PKD2L2: variants seen among roughly 807,000 people sequenced by gnomAD.
PKD2L2 encodes polycystin-2-like protein 2.
Under a neutral mutation model 83.9 loss-of-function variants are expected in PKD2L2, and 67 were observed. The ratio of observed to expected loss-of-function variants is 0.80; its 90% CI spans 0.66 to 0.98. The LOEUF is 0.98. PKD2L2 is among the 50% of genes least tolerant of loss of function. The pLI is 0.00. For synonymous variants in PKD2L2, 223 were observed against 237.8 expected (o/e 0.94, Z 0.57); for missense variants, 632 against 717.2 (o/e 0.88, Z 1.36).
intron 5 of PKD2L2, among the ~76,000 whole-genome samples, chr5:137,905,150 A>T (rs1484582884): frequency 1.3e-5 from 2 of 152,156 alleles, no homozygotes; most frequent in African/African-American, 4.8e-5. Flanking sequence ...TTAAGTCCAG[A>T]TTTCCTCTCT....
At position 137,935,834 on chromosome 5, in the gene PKD2L2, A is replaced by C; in HGVS notation, c.1709A>C (p.Glu570Ala). 4 of 1,611,366 alleles carry C rather than the reference A, an allele frequency of 2.5e-6. No homozygotes were observed. The highest frequency in any genetic ancestry group is 3.4e-6 in the Non-Finnish European group (4 of 1,177,538). The part of the protein sequence containing the change: ...QNAEQMKKWK[E>A]RLEKKYYSME... Reference sequence around the variant, plus strand: ...GCAGAGCAGATGAAAAAATGGAAAGAGAGGCTTGAGAAAAAGTATTATTCT... The same window carrying C: ...GCAGAGCAGATGAAAAAATGGAAAGCGAGGCTTGAGAAAAAGTATTATTCT... The change falls in exon 13 of 15, where the codon GAG (glutamate) becomes GCG (alanine). Residue 570 changes from glutamate (E) to alanine (A), a missense_variant. By Grantham distance (107) the Glu-to-Ala change is moderately radical (BLOSUM62 -1). Transcript: ENST00000508883.
intron 8 of PKD2L2, among the ~76,000 whole-genome samples, chr5:137,916,042 C>CT (rs1561692992): frequency 1.6e-5 from 2 of 121,430 alleles, no homozygotes; most frequent in African/African-American, 3.0e-5. Flanking sequence ...TTTCTTTTTT[C>CT]TTTTTTTTAA....
intron 14 of PKD2L2, chr5:137,938,635 G>A (rs1269098003): frequency 2.6e-5 from 4 of 152,358 alleles, no homozygotes; most frequent in Non-Finnish European, 5.9e-5. Context: ...TTCACTACCA[G>A]GTTTTCCCTC....
Position 137,906,229 on chromosome 5 carries a change from C to A in PKD2L2, c.770C>A (p.Thr257Asn). The A allele has an allele frequency of 6.2e-7, 1 of 1,605,406 alleles. No individual in the cohort carries two copies. The highest frequency in any genetic ancestry group is 8.5e-7 in the Non-Finnish European group (1 of 1,175,204). Residue 257 changes from threonine (T) to asparagine (N), a missense_variant, in exon 6 of 15, where the codon ACT (threonine) becomes AAT (asparagine). Coordinates refer to ENST00000508883, the MANE Select transcript of PKD2L2 (RefSeq NM_001300921.2). ...IIRLVAEFPA[T>N]GGILTSWQFY... ...AGATTGGTGGCAGAATTCCCTGCAA[C>A]TGGAGGAATACTTACTTCATGGCAG...
At chr5:137,941,818 T>C (rs1024520518) in intron 14 of PKD2L2, 1 of 747,596 alleles carries the variant, frequency 1.3e-6, no homozygotes, top group Non-Finnish European at 2.2e-6. Flanking sequence ...AGGAATGTTT[T>C]AAAATTTTTC....
chr5:137,925,055 C>A lies in PKD2L2; in HGVS notation c.1567C>A (p.Leu523Ile). 6.3e-7 allele frequency: 1 copy of A among 1,597,130 alleles called. No individual in the cohort carries two copies. Among genetic ancestry groups the A allele is most frequent in the South Asian group, 1.1e-5 (1 of 90,502 alleles). ...TTATGCCCAGAGTTACAAAAATGTTCTCGAGAAATTCAGACTGAAGAAAGC... is the reference window on the plus strand; with the variant it reads ...TTATGCCCAGAGTTACAAAAATGTTATCGAGAAATTCAGACTGAAGAAAGC... Reference protein sequence around the residue: ...KMIKQSYKNVLEKFRLKKAQK... With the variant: ...KMIKQSYKNVIEKFRLKKAQK... Residue 523 changes from leucine to isoleucine, a missense_variant, in exon 11 of 15, where the codon CTC becomes ATC. Leu to Ile is a conservative substitution (Grantham distance 5). This residue lies in a region of PKD2L2 where 399 missense variants were observed against 416.9 expected (regional missense o/e 0.96). Transcript: ENST00000508883.
chr5:137,931,963 A>T (rs1759913478), intron 12 of PKD2L2, among the ~76,000 whole-genome samples: 1 of 152,224 alleles, frequency 6.6e-6, no homozygotes, highest in Non-Finnish European at 1.5e-5. Flanking sequence ...TTTGGTAAAA[A>T]TTATAATAGA....
intron 5 of PKD2L2, among the ~76,000 whole-genome samples, chr5:137,902,446 T>C (rs1461988572): frequency 5.9e-5 from 9 of 152,012 alleles, no homozygotes; most frequent in Non-Finnish European, 1.0e-4. Flanking sequence ...CTCCTCCTCC[T>C]CAGCCTACTC....
At chr5:137,905,666 A>G (rs1056611424) in intron 5 of PKD2L2, among the ~76,000 whole-genome samples, 1 of 152,192 alleles carries the variant, frequency 6.6e-6, no homozygotes, top group African/African-American at 2.4e-5. Context: ...CTGTTTGCAT[A>G]TAGATCTTTG....
chr5:137,936,690 C>T (rs1012311467), intron 14 of PKD2L2, among the ~76,000 whole-genome samples: 3 of 152,228 alleles, frequency 2.0e-5, no homozygotes, highest in Non-Finnish European at 4.4e-5. Context: ...CTCCTGACCT[C>T]GTGATCCACC....
intron 14 of PKD2L2, among the ~76,000 whole-genome samples, chr5:137,941,363 T>C (rs1761762774): frequency 6.6e-6 from 1 of 152,214 alleles, no homozygotes; most frequent in Non-Finnish European, 1.5e-5. Context: ...AGGCCTGAGA[T>C]AACTGAACCC....
intron 14 of PKD2L2, chr5:137,940,386 C>T: frequency 6.8e-7 from 1 of 1,473,502 alleles, no homozygotes; most frequent in Non-Finnish European, 9.2e-7. Flanking sequence ...TTCTAGAGAT[C>T]ATTTGGAAAA....
chr5:137,907,850 G>A lies in PKD2L2; in HGVS notation c.1084G>A (p.Ala362Thr). The A allele has an allele frequency of 1.3e-6, 2 of 1,538,494 alleles. No homozygotes were observed. The highest frequency in any genetic ancestry group is 1.8e-6 in the Non-Finnish European group (2 of 1,117,078). Residue 362 changes from alanine to threonine, a missense_variant, in exon 7 of 15, where the codon GCA becomes ACA. Transcript: ENST00000508883. ...TEKYSDFYFL[A>T]CWHIYYNNII... ...AAAATATTCAGATTTCTATTTTCTT[G>A]CATGCTGGCACATTTATTACAATAA... is the stretch of plus-strand genomic sequence containing the variant.
chr5:137,916,320 T>C (rs1017811455), intron 8 of PKD2L2, among the ~76,000 whole-genome samples: 1 of 151,850 alleles, frequency 6.6e-6, no homozygotes, highest in African/African-American at 2.4e-5. Flanking sequence ...GGATTACAGG[T>C]GTGCACCATC....
intron 12 of PKD2L2, among the ~76,000 whole-genome samples, chr5:137,934,738 G>A (rs1049778716): frequency 6.6e-6 from 1 of 152,164 alleles, no homozygotes; most frequent in Admixed American, 6.5e-5. Context: ...TTTGAACCCG[G>A]GAGGGGTGGT....
intron 2 of PKD2L2, among the ~76,000 whole-genome samples, chr5:137,891,454 AGACCCTGTC>A (rs1345826256): frequency 1.3e-5 from 2 of 151,590 alleles, no homozygotes; most frequent in African/African-American, 4.9e-5. Context: ...TGACAGGCTG[AGACCCTGTC>A]CCAAGGAAAA....
Position 137,912,801 on chromosome 5 carries a change from C to CTTTTTT in PKD2L2, c.1328+3858_1328+3859insTTTTTT, listed in dbSNP as rs71583287. On this transcript the variant is annotated intron_variant, in intron 8 of 14. Coordinates refer to ENST00000508883, the MANE Select transcript of PKD2L2 (RefSeq NM_001300921.2). ...TTAAATTGGATTATTTGTTTTCTTT[C>CTTTTTT]TTTCTTTTTTTTTTTTTTTTGAGAT... Among the ~76,000 whole-genome samples the CTTTTTT allele has an allele frequency of 4.5e-4, 45 of 99,812 alleles. 4 individuals are homozygous for CTTTTTT. Among genetic ancestry groups the CTTTTTT allele is most frequent in the South Asian group, 6.9e-4 (2 of 2,914 alleles). The allele number at this position is 99,812 out of a possible 152,430, so 65.5% of individuals were successfully genotyped here.
At chr5:137,916,014 G>T (rs1472733865) in intron 8 of PKD2L2, among the ~76,000 whole-genome samples, 1 of 138,320 alleles carries the variant, frequency 7.2e-6, no homozygotes, top group Non-Finnish European at 1.5e-5. Flanking sequence ...CACCAATTAT[G>T]TATACACACA....
intron 8 of PKD2L2, among the ~76,000 whole-genome samples, chr5:137,919,381 TCA>T (rs1580960864): frequency 6.6e-6 from 1 of 152,284 alleles, no homozygotes; most frequent in East Asian, 1.9e-4. Flanking sequence ...AGTAAATGCT[TCA>T]GTTTTTGTCA....
Sources: allele counts gnomAD v4.1 joint callset (sites outside exome capture counted in the v4.1 genomes callset), GRCh38; gene constraint gnomAD v4.1.1; regional missense constraint gnomAD v4.1.1; transcripts MANE v1.5; gene names NCBI Gene and HGNC (gene_info 2026-07-23, HGNC 2026-07-21).